The following ERC2 variants were observed in gnomAD, a reference collection of about 807,000 sequenced individuals.
The protein encoded by ERC2 is ELKS/RAB6-interacting/CAST family member 2, also known as ERC protein 2.
ERC2 carries 42 observed loss-of-function variants against 114.8 expected under a neutral mutation model. The observed-to-expected ratio is 0.37, with a 90% CI of 0.29 to 0.47. The LOEUF (loss-of-function observed/expected upper bound fraction) is 0.47, where lower values mean the gene tolerates loss of function less well. Among genes scored for constraint, ERC2 ranks in the 20% least tolerant of loss-of-function variants. ERC2 has a pLI of 0.99. For synonymous variants in ERC2, 454 were observed against 425.5 expected (o/e 1.07, Z -0.82); for missense variants, 939 against 1,150.7 (o/e 0.82, Z 2.66).
intron 17 of ERC2, among the ~76,000 whole-genome samples, chr3:55,577,652 A>T (rs2057051779): frequency 6.6e-6 from 1 of 152,184 alleles, no homozygotes; most frequent in Non-Finnish European, 1.5e-5. Context: ...CAGATAAGTC[A>T]GGCTGAACCC....
chr3:56,173,204 A>G (rs1435526860), intron 4 of ERC2, among the ~76,000 whole-genome samples: 1 of 152,148 alleles, frequency 6.6e-6, no homozygotes, highest in African/African-American at 2.4e-5. Context: ...TTGAAAAGGA[A>G]CCCAGCTCCT....
intron 5 of ERC2, among the ~76,000 whole-genome samples, chr3:56,147,873 G>A (rs563941123): frequency 8.7e-4 from 133 of 152,292 alleles, no homozygotes; most frequent in Non-Finnish European, 1.7e-3. Context: ...TTATGCATAT[G>A]TAAAAATAAT....
intron 14 of ERC2, among the ~76,000 whole-genome samples, chr3:55,778,206 T>C (rs1210720164): frequency 6.6e-6 from 1 of 152,176 alleles, no homozygotes; most frequent in South Asian, 2.1e-4. Context: ...GCACACAAGA[T>C]TGGAAAAATG....
At chr3:55,556,039 G>A (rs188235545) in intron 17 of ERC2, among the ~76,000 whole-genome samples, 7 of 152,224 alleles carry the variant, frequency 4.6e-5, no homozygotes, top group Admixed American at 2.6e-4. Flanking sequence ...GGAAACTCCC[G>A]GGGCAGGAGG....
At chr3:56,407,847 A>G (rs930920456) in intron 2 of ERC2, among the ~76,000 whole-genome samples, 2 of 152,096 alleles carry the variant, frequency 1.3e-5, no homozygotes, top group African/African-American at 4.8e-5. Flanking sequence ...CTCCCATCAT[A>G]CTGCCCGTCA....
intron 7 of ERC2, among the ~76,000 whole-genome samples, chr3:56,039,473 T>C (rs963701128): frequency 5.3e-5 from 8 of 151,946 alleles, no homozygotes; most frequent in Non-Finnish European, 2.9e-5. Context: ...CTGAAAACTA[T>C]AAAACATTGC....
At chr3:56,276,459 T>TA (rs766683320) in intron 3 of ERC2, among the ~76,000 whole-genome samples, 2,465 of 82,866 alleles carry the variant, frequency 0.03, 85 homozygotes, top group African/African-American at 0.082. Flanking sequence ...CAAACTCAGC[T>TA]AAAAAAAAAA....
At chr3:55,652,584 T>G (rs558579364) in intron 17 of ERC2, among the ~76,000 whole-genome samples, 1 of 152,168 alleles carries the variant, frequency 6.6e-6, no homozygotes, top group South Asian at 2.1e-4. Flanking sequence ...CCCAAAGAAG[T>G]GCACGTTGGC....
chr3:55,545,458 C>T (rs1054308255), intron 17 of ERC2, among the ~76,000 whole-genome samples: 4 of 152,134 alleles, frequency 2.6e-5, no homozygotes, highest in Non-Finnish European at 5.9e-5. Flanking sequence ...CGTCGGATCA[C>T]GTGGGAATGC....
At chr3:55,937,485 C>T (rs2066518355) in intron 13 of ERC2, among the ~76,000 whole-genome samples, 1 of 152,216 alleles carries the variant, frequency 6.6e-6, no homozygotes, top group Admixed American at 6.5e-5. Context: ...ACTCCAGCTA[C>T]TTGGTCACAC....
chr3:56,403,588 A>G (rs1459080733), intron 2 of ERC2, among the ~76,000 whole-genome samples: 1 of 152,224 alleles, frequency 6.6e-6, no homozygotes, highest in African/African-American at 2.4e-5. Context: ...CTTCTTAGAA[A>G]TAAAGAATCC....
At chr3:56,063,609 G>A (rs1449453821) in intron 7 of ERC2, among the ~76,000 whole-genome samples, 1 of 152,140 alleles carries the variant, frequency 6.6e-6, no homozygotes, top group East Asian at 1.9e-4. Context: ...GGGAAACTGA[G>A]GCAGAGGATA....
At chr3:56,309,593 C>A (rs772832112) in intron 2 of ERC2, among the ~76,000 whole-genome samples, 2 of 152,178 alleles carry the variant, frequency 1.3e-5, no homozygotes, top group African/African-American at 2.4e-5. Context: ...AATCCTGGAT[C>A]TACCCATGAC....
intron 17 of ERC2, among the ~76,000 whole-genome samples, chr3:55,550,729 A>G (rs1036831915): frequency 6.6e-6 from 1 of 152,160 alleles, no homozygotes; most frequent in Non-Finnish European, 1.5e-5. Context: ...TAATTTAAGA[A>G]ATAGGGGCCG....
chr3:56,021,575 A>ACTTTT (rs1553776661), intron 7 of ERC2, among the ~76,000 whole-genome samples: 5 of 151,864 alleles, frequency 3.3e-5, no homozygotes, highest in African/African-American at 4.8e-5. Context: ...TGGGAGCTAA[A>ACTTTT]TTTTTTAATT....
chr3:55,739,212 A>T (rs1246654886), intron 14 of ERC2, among the ~76,000 whole-genome samples: 3 of 152,204 alleles, frequency 2.0e-5, no homozygotes, highest in Non-Finnish European at 4.4e-5. Flanking sequence ...TAGTGCCGCA[A>T]TAAACATACA....
intron 17 of ERC2, among the ~76,000 whole-genome samples, chr3:55,594,195 A>C (rs1020251191): frequency 6.6e-6 from 1 of 152,206 alleles, no homozygotes; most frequent in Non-Finnish European, 1.5e-5. Context: ...AGAGTTGGTA[A>C]AGAGATGGCA....
intron 3 of ERC2, among the ~76,000 whole-genome samples, chr3:56,232,607 G>A (rs375417100): frequency 6.6e-6 from 1 of 152,208 alleles, no homozygotes; most frequent in Non-Finnish European, 1.5e-5. Context: ...GACACATACA[G>A]AGATAAAATG....
intron 2 of ERC2, among the ~76,000 whole-genome samples, chr3:56,392,292 G>C (rs761459730): frequency 2.0e-5 from 3 of 152,152 alleles, no homozygotes; most frequent in Non-Finnish European, 4.4e-5. Flanking sequence ...CTTAGTAACA[G>C]AAGTCTGTCA....
Sources: gnomAD v4.1 joint callset for allele counts (sites outside exome capture counted in the v4.1 genomes callset) on GRCh38, gnomAD v4.1.1 for gene constraint, MANE v1.5 for transcripts, NCBI Gene and HGNC (gene_info 2026-07-23, HGNC 2026-07-21) for gene names.